The following KIAA0586 variants were observed in gnomAD, a reference collection of about 807,000 sequenced individuals.
KIAA0586 encodes the protein protein TALPID3.
A neutral mutation model predicts 169.8 loss-of-function variants in KIAA0586; 144 were observed. The observed-to-expected ratio is 0.85, with a 90% CI of 0.74 to 0.97. The LOEUF (loss-of-function observed/expected upper bound fraction) is 0.97, where lower values mean the gene tolerates loss of function less well. KIAA0586 is among the 50% of genes least tolerant of loss of function. KIAA0586 has a pLI of 0.00. For synonymous variants in KIAA0586, 625 were observed against 612.4 expected, an observed-to-expected ratio of 1.02 and a Z score of -0.30; for missense variants, 1,854 against 1,823.0, an observed-to-expected ratio of 1.02 and a Z score of -0.31.
chr14:58,561,885 T>G, the KIAA0586 span, among the ~76,000 whole-genome samples: 8 of 152,206 alleles, frequency 5.3e-5, no homozygotes, highest in Non-Finnish European at 4.4e-5. Flanking sequence ...TGAATTCATT[T>G]CGTACACAAG....
intron 14 of KIAA0586, among the ~76,000 whole-genome samples, chr14:58,464,591 T>G (rs1335732720): frequency 6.6e-6 from 1 of 152,188 alleles, no homozygotes; most frequent in African/African-American, 2.4e-5. Context: ...AGTCAAATTT[T>G]TAATATTTTA....
In KIAA0586 at chr14:58,457,892, A is replaced by C. The variant is rs903989526; in HGVS notation, c.1496A>C (p.Lys499Thr). The change falls in exon 11 of 31, where the codon AAA becomes ACA. Residue 499 changes from lysine (K) to threonine (T), a missense_variant. Coordinates refer to ENST00000652326, the MANE Select transcript of KIAA0586 (RefSeq NM_001329943.3). ...KILRGVQNNKKVLEENLEAII... is the reference protein window; with the variant it reads ...KILRGVQNNKTVLEENLEAII... ...TTGAGAGGAGTACAAAACAATAAAA[A>C]AGTACTTGAAGAAAACCTGGAAGCT... The C allele has an allele frequency of 1.9e-6, 3 of 1,606,956 alleles. No individual in the cohort carries two copies. Among genetic ancestry groups the C allele is most frequent in the Non-Finnish European group, 2.6e-6 (3 of 1,176,316 alleles).
At chr14:58,523,928 G>A (rs1345471242) in intron 29 of KIAA0586, among the ~76,000 whole-genome samples, 1 of 151,914 alleles carries the variant, frequency 6.6e-6, no homozygotes, top group Admixed American at 6.6e-5. Context: ...TATTACAAAT[G>A]CTATTCTTCT....
At chr14:58,443,368 G>A (rs2038573667) in intron 5 of KIAA0586, among the ~76,000 whole-genome samples, 1 of 152,198 alleles carries the variant, frequency 6.6e-6, no homozygotes, top group African/African-American at 2.4e-5. Context: ...TTGCTTTGCT[G>A]TTTTCTTCTT....
Position 58,442,710 on chromosome 14 carries a change from C to T in KIAA0586, c.415C>T (p.Gln139Ter). ...ALRTVLKQKA[Q>*]SMPVFKEVKV... ...TTATTGCTTTTTTATTTATAGAGCT[C>T]AAAGCATGCCTGTTTTTAAGGAAGT... Residue 139 changes from glutamine to a stop codon, truncating the protein, a stop_gained, in exon 5 of 31, where the codon CAA becomes TAA. Transcript: ENST00000652326. LOFTEE classifies it high-confidence loss of function. 3 of 1,557,476 alleles carry T rather than the reference C, an allele frequency of 1.9e-6. No homozygotes were observed. The South Asian group carries it at 3.6e-5, about 19-fold the overall frequency.
At chr14:58,516,432 C>A (rs574090291) in intron 29 of KIAA0586, among the ~76,000 whole-genome samples, 1 of 152,148 alleles carries the variant, frequency 6.6e-6, no homozygotes, top group African/African-American at 2.4e-5. Flanking sequence ...CCACTCCTGG[C>A]GGAGAAGAAG....
At position 58,492,246 on chromosome 14, in the gene KIAA0586, GT is replaced by G; in HGVS notation, c.3964del (p.Ser1322ProfsTer26). The G allele has an allele frequency of 6.4e-7, 1 of 1,550,952 alleles. No homozygotes were observed. Among genetic ancestry groups the G allele is most frequent in the Non-Finnish European group, 8.7e-7 (1 of 1,146,812 alleles). On this transcript the variant is annotated frameshift_variant, in exon 26 of 31. Transcript: ENST00000652326. LOFTEE classifies it high-confidence loss of function. ...SFAKQNQESA[V>X]SQQAVYHSED... ...TGCTAAACAAAACCAGGAGTCAGCA[GT>G]TTCCCAGCAAGCAGTCTATCATTCA...
chr14:58,544,112 A>G, intron 30 of KIAA0586: 3 of 283,750 alleles, frequency 1.1e-5, no homozygotes, highest in Non-Finnish European at 2.1e-5. Context: ...AAGTGAGAAC[A>G]TGCAGTATTT....
Position 58,512,577 on chromosome 14 carries a change from G to A in KIAA0586, c.4379G>A (p.Ser1460Asn), listed in dbSNP as rs1030996934. ...VKQVEHKPSQ[S>N]YLRVRNKSDI... ...CAAGTTGAACACAAACCATCACAAAGTTACCTACGTGTTAGAAATAAATCT... is the reference window on the plus strand; with the variant it reads ...CAAGTTGAACACAAACCATCACAAAATTACCTACGTGTTAGAAATAAATCT... Residue 1460 changes from serine (S) to asparagine (N), a missense_variant, in exon 29 of 31, where the codon AGT becomes AAT. Transcript: ENST00000652326. 2 of 1,544,032 alleles carry A rather than the reference G, an allele frequency of 1.3e-6. No homozygotes were observed. Among genetic ancestry groups the A allele is most frequent in the South Asian group, 2.5e-5 (2 of 79,224 alleles).
intron 20 of KIAA0586, among the ~76,000 whole-genome samples, chr14:58,478,070 A>G (rs2041778305): frequency 6.6e-6 from 1 of 152,112 alleles, no homozygotes; most frequent in Admixed American, 6.5e-5. Flanking sequence ...TAGAGGCTGG[A>G]CTGCAGCGAC....
intron 30 of KIAA0586, among the ~76,000 whole-genome samples, chr14:58,542,413 G>T (rs928909655): frequency 6.6e-6 from 1 of 151,626 alleles, no homozygotes; most frequent in African/African-American, 2.4e-5. Context: ...GGAGGTGGAG[G>T]TTGCAGTGAG....
intron 21 of KIAA0586, 59 bp downstream of exon 21, chr14:58,482,771 GCATAC>G: frequency 8.7e-7 from 1 of 1,149,206 alleles, no homozygotes; most frequent in East Asian, 2.6e-5. Context: ...ATTTTAAGCT[GCATAC>G]CATAAGATCA....
intron 29 of KIAA0586, among the ~76,000 whole-genome samples, chr14:58,519,386 G>A (rs2045021176): frequency 6.6e-6 from 1 of 152,140 alleles, no homozygotes; most frequent in South Asian, 2.1e-4. Context: ...CTACAGGTGT[G>A]TGCCATCATG....
intron 8 of KIAA0586, among the ~76,000 whole-genome samples, chr14:58,450,983 CTTTTTTTTTTT>C (rs10712126): frequency 1.2e-5 from 1 of 85,392 alleles, no homozygotes; most frequent in Non-Finnish European, 2.3e-5. Context: ...GTTTTGTTAA[CTTTTTTTTTTT>C]TTTTTTTTTT....
At chr14:58,440,522 AG>A (rs1199181459) in intron 4 of KIAA0586, among the ~76,000 whole-genome samples, 1 of 152,196 alleles carries the variant, frequency 6.6e-6, no homozygotes, top group Non-Finnish European at 1.5e-5. Flanking sequence ...TAGTAGAGAC[AG>A]GGTTCACCAT....
At chr14:58,453,322 A>T in intron 8 of KIAA0586, 28 bp from the exon 9 acceptor site, 1 of 1,145,230 alleles carries the variant, frequency 8.7e-7, no homozygotes, top group Non-Finnish European at 1.2e-6. Flanking sequence ...AGTATTTGGA[A>T]AATGATACTA....
chr14:58,430,510 T>G (rs920234853), intron 2 of KIAA0586, 138 bp from the exon 3 acceptor site: 2 of 547,066 alleles, frequency 3.7e-6, no homozygotes, highest in African/African-American at 3.9e-5. Context: ...CAGAATTGCA[T>G]GATGATGGAA....
chr14:58,457,105 T>C (rs932973672), intron 10 of KIAA0586, among the ~76,000 whole-genome samples: 2 of 152,188 alleles, frequency 1.3e-5, no homozygotes, highest in Non-Finnish European at 2.9e-5. Context: ...ATTTATCCAA[T>C]CCACAATGTC....
chr14:58,545,396 T>C (rs1432063079), intron 30 of KIAA0586, among the ~76,000 whole-genome samples: 1 of 152,208 alleles, frequency 6.6e-6, no homozygotes, highest in Non-Finnish European at 1.5e-5. Flanking sequence ...ATCTGTAATT[T>C]TATGCACAAA....
Sources: allele counts gnomAD v4.1 joint callset (sites outside exome capture counted in the v4.1 genomes callset), GRCh38; gene constraint gnomAD v4.1.1; transcripts MANE v1.5; gene names NCBI Gene and HGNC (gene_info 2026-07-23, HGNC 2026-07-21).